Variants in THSD7B observed in about 807,000 individuals in gnomAD.
The protein encoded by THSD7B is thrombospondin type 1 domain containing 7B.
Under a neutral mutation model 213.6 loss-of-function variants are expected in THSD7B, and 138 were observed. The observed-to-expected ratio is 0.65, with a 90% CI of 0.56 to 0.74. The LOEUF (loss-of-function observed/expected upper bound fraction) is 0.74. Among genes scored for constraint, THSD7B ranks in the 30% least tolerant of loss-of-function variants. The probability of loss-of-function intolerance (pLI) is 0.00; values close to 1 mark genes in which losing one functional copy is unlikely to be tolerated. For missense variants in THSD7B, 1,931 were observed against 1,991.5 expected (o/e 0.97, Z 0.58); for synonymous variants, 742 against 687.0 (o/e 1.08, Z -1.25).
intron 15 of THSD7B, among the ~76,000 whole-genome samples, chr2:137,553,229 G>T (rs1680884835): frequency 6.6e-6 from 1 of 152,140 alleles, no homozygotes; most frequent in African/African-American, 2.4e-5. Context: ...CCTGGGTCTT[G>T]ACTTGCAGCT....
At chr2:137,396,871 A>T (rs1350064620) in intron 12 of THSD7B, among the ~76,000 whole-genome samples, 1 of 151,522 alleles carries the variant, frequency 6.6e-6, no homozygotes. Context: ...ATATATATTT[A>T]GGATAGTTAG....
chr2:137,097,110 G>T (rs1201859044), intron 4 of THSD7B, among the ~76,000 whole-genome samples: 2 of 152,012 alleles, frequency 1.3e-5, no homozygotes, highest in African/African-American at 4.8e-5. Flanking sequence ...ATAAAATCTG[G>T]GTTTCATGAT....
intron 2 of THSD7B, among the ~76,000 whole-genome samples, chr2:136,888,427 A>AT (rs1553455656): frequency 6.6e-6 from 1 of 152,090 alleles, no homozygotes; most frequent in Non-Finnish European, 1.5e-5. Flanking sequence ...AAAAAATTGC[A>AT]TTATGTATAT....
At chr2:137,195,397 A>G (rs370238779) in intron 7 of THSD7B, among the ~76,000 whole-genome samples, 2 of 152,230 alleles carry the variant, frequency 1.3e-5, no homozygotes, top group East Asian at 1.9e-4. Flanking sequence ...GCCATTTACT[A>G]CTAAAATAAC....
chr2:137,425,738 A>G (rs943277865), intron 14 of THSD7B, among the ~76,000 whole-genome samples: 11 of 152,194 alleles, frequency 7.2e-5, no homozygotes, highest in Admixed American at 5.9e-4. Flanking sequence ...ATTGTCCTCA[A>G]TGGTAAAAAG....
chr2:137,369,726 T>C (rs1685502280), intron 12 of THSD7B, among the ~76,000 whole-genome samples: 1 of 152,154 alleles, frequency 6.6e-6, no homozygotes, highest in Non-Finnish European at 1.5e-5. Context: ...TTCATCCTCA[T>C]CATTTTGACC....
At chr2:137,079,892 T>G (rs548031779) in intron 3 of THSD7B, among the ~76,000 whole-genome samples, 1 of 152,256 alleles carries the variant, frequency 6.6e-6, no homozygotes, top group Admixed American at 6.5e-5. Context: ...CAGGTTGGAG[T>G]GCAGTGGCGT....
chr2:136,975,040 G>GT (rs1225441963), intron 2 of THSD7B, among the ~76,000 whole-genome samples: 2 of 118,226 alleles, frequency 1.7e-5, no homozygotes, highest in Non-Finnish European at 3.4e-5. Flanking sequence ...CTTTTTAATG[G>GT]TTTGTTTTTT....
chr2:137,574,466 C>G (rs1681418370), intron 17 of THSD7B, among the ~76,000 whole-genome samples: 1 of 152,032 alleles, frequency 6.6e-6, no homozygotes, highest in South Asian at 2.1e-4. Context: ...ATGATAGAAG[C>G]TATGACAATG....
At chr2:136,973,695 T>C (rs1340425219) in intron 2 of THSD7B, among the ~76,000 whole-genome samples, 1 of 152,230 alleles carries the variant, frequency 6.6e-6, no homozygotes, top group Non-Finnish European at 1.5e-5. Flanking sequence ...CTGTTTCAAA[T>C]TGCTATTTTG....
rs539131471 is a variant in THSD7B at position 136,886,140 on chromosome 2, G to A, written c.139+3823G>A. On this transcript the variant is annotated intron_variant, in intron 2 of 27. Transcript: ENST00000409968. ...GCAGAGTGAACATGGGGAGGGTGAT[G>A]GGAGCTCAGGTGAGACGGGTAACGG... Among the ~76,000 whole-genome samples the A allele has an allele frequency of 4.6e-5, 7 of 152,266 alleles. No individual in the cohort carries two copies. The East Asian group carries it at 1.4e-3, about 29-fold the overall frequency.
chr2:137,205,102 T>C (rs1469724954), intron 7 of THSD7B, among the ~76,000 whole-genome samples: 1 of 152,040 alleles, frequency 6.6e-6, no homozygotes, highest in African/African-American at 2.4e-5. Flanking sequence ...GATCCTACCA[T>C]AGCCAAAATC....
At chr2:136,991,014 C>T in intron 2 of THSD7B, 44 of 1,116,138 alleles carry the variant, frequency 3.9e-5, no homozygotes, top group Non-Finnish European at 5.2e-5. Context: ...GAATACCTGT[C>T]CTCCCCAAAA....
At chr2:136,994,511 G>A (rs1157063445) in intron 2 of THSD7B, among the ~76,000 whole-genome samples, 2 of 152,198 alleles carry the variant, frequency 1.3e-5, no homozygotes, top group Non-Finnish European at 2.9e-5. Context: ...AGCTTGCAGT[G>A]AGCTGAGATC....
intron 12 of THSD7B, among the ~76,000 whole-genome samples, chr2:137,363,532 G>A (rs4954500): frequency 0.56 from 83,957 of 150,950 alleles, 26,309 homozygotes; most frequent in East Asian, 0.77. Context: ...TCAAATAGAT[G>A]CAATAAAAAA....
chr2:136,789,803 A>G (rs1681929143), intron 1 of THSD7B, among the ~76,000 whole-genome samples: 1 of 152,154 alleles, frequency 6.6e-6, no homozygotes, highest in Non-Finnish European at 1.5e-5. Context: ...TGGTTTTTGT[A>G]TCTAAACAAC....
At chr2:137,090,944 A>G (rs1687937851) in intron 3 of THSD7B, among the ~76,000 whole-genome samples, 1 of 152,190 alleles carries the variant, frequency 6.6e-6, no homozygotes, top group African/African-American at 2.4e-5. Flanking sequence ...TTTCTCATTC[A>G]CCATCTAATG....
chr2:137,416,306 A>G (rs1416319731), intron 14 of THSD7B, among the ~76,000 whole-genome samples: 1 of 152,106 alleles, frequency 6.6e-6, no homozygotes, highest in Non-Finnish European at 1.5e-5. Context: ...GCAGCTCCTC[A>G]GCTGGACCCT....
chr2:137,295,401 G>A (rs72975644), intron 12 of THSD7B, among the ~76,000 whole-genome samples: 7,704 of 152,024 alleles, frequency 0.051, 468 homozygotes, highest in African/African-American at 0.14. Context: ...GAACTTTGCT[G>A]CATATTATGC....
Sources: gnomAD v4.1 joint callset for allele counts (sites outside exome capture counted in the v4.1 genomes callset) on GRCh38, gnomAD v4.1.1 for gene constraint, MANE v1.5 for transcripts, NCBI Gene and HGNC (gene_info 2026-07-23, HGNC 2026-07-21) for gene names.